XPNPEP1: variants seen among roughly 807,000 people sequenced by gnomAD.
XPNPEP1 encodes xaa-Pro aminopeptidase 1.
XPNPEP1 carries 39 observed loss-of-function variants against 92.4 expected under a neutral mutation model. That is an observed-to-expected ratio of 0.42 (90% CI 0.33 to 0.55). XPNPEP1 has a LOEUF of 0.55. XPNPEP1 is among the 20% of genes least tolerant of loss of function. XPNPEP1 has a pLI of 0.08. For missense variants in XPNPEP1, 654 were observed against 856.1 expected (o/e 0.76, Z 2.95); for synonymous variants, 307 against 299.4 (o/e 1.03, Z -0.26).
intron 3 of XPNPEP1, chr10:109,893,987 GAGAATCTTTAAGTA>G (rs1444758510): frequency 1.3e-5 from 2 of 152,262 alleles, no homozygotes; most frequent in Non-Finnish European, 2.9e-5. Context: ...GGTTCAAAGA[GAGAATCTTTAAGTA>G]AGCTGCCCAC....
At position 109,865,073 on chromosome 10, in the gene XPNPEP1, A is replaced by C. The variant is rs1847057081; in HGVS notation, c.*111T>G. ...TTCTGTTCTTCTTAAAGTCTAAAGT[A>C]AAAAGGGGAGGTAGGGAAGAAGGAA... On this transcript the variant is annotated 3_prime_UTR_variant, in exon 21 of 21. Coordinates refer to ENST00000502935, the MANE Select transcript of XPNPEP1 (RefSeq NM_020383.4). 4.8e-6 allele frequency: 7 copies of C among 1,470,204 alleles called. No homozygotes were observed. Among genetic ancestry groups the C allele is most frequent in the Non-Finnish European group, 6.5e-6 (7 of 1,077,010 alleles). 91.1% of individuals were successfully genotyped at this position (1,470,204 alleles called of 1,614,324 possible).
chr10:109,872,079 G>A (rs1284995713), intron 16 of XPNPEP1, among the ~76,000 whole-genome samples: 12 of 152,210 alleles, frequency 7.9e-5, no homozygotes, highest in Non-Finnish European at 1.6e-4. Flanking sequence ...CACTGTCAGA[G>A]AGATGACCCC....
chr10:109,898,623 A>G (rs1039224515), intron 3 of XPNPEP1, among the ~76,000 whole-genome samples: 5 of 152,236 alleles, frequency 3.3e-5, no homozygotes, highest in Non-Finnish European at 5.9e-5. Flanking sequence ...TCATGAGGCG[A>G]CACCCAATTA....
At chr10:109,872,183 C>T (rs1033584119) in intron 16 of XPNPEP1, among the ~76,000 whole-genome samples, 1 of 152,248 alleles carries the variant, frequency 6.6e-6, no homozygotes, top group Non-Finnish European at 1.5e-5. Context: ...CCCTAGCTAA[C>T]ATTACTGAGC....
At chr10:109,910,234 G>C (rs922372751) in intron 2 of XPNPEP1, among the ~76,000 whole-genome samples, 4 of 152,094 alleles carry the variant, frequency 2.6e-5, no homozygotes, top group Admixed American at 2.6e-4. Flanking sequence ...TTTCCAGATT[G>C]ATTTCTTTCA....
At chr10:109,915,838 ACTAGCAT>A (rs1461956879) in intron 1 of XPNPEP1, among the ~76,000 whole-genome samples, 84 of 152,332 alleles carry the variant, frequency 5.5e-4, no homozygotes, top group African/African-American at 1.9e-3. Context: ...GGCTCAGGTT[ACTAGCAT>A]ACCACTCAGG....
Position 109,894,330 on chromosome 10 carries a change from G to A in XPNPEP1, c.247-1255C>T, listed in dbSNP as rs117722186. On this transcript the variant is annotated intron_variant, in intron 3 of 20. Transcript: ENST00000502935. ...GAGGACTGCTTGAGCCCAGGAACTC[G>A]AGACCAGCCTGGGAGCATGGTGAAA... 2.8e-4 allele frequency among the ~76,000 whole-genome samples: 43 copies of A among 152,042 alleles called. No individual in the cohort carries two copies. In the East Asian group the frequency reaches 7.4e-3, roughly 26 times the overall value.
chr10:109,908,581 A>G (rs1849682869), intron 2 of XPNPEP1, among the ~76,000 whole-genome samples: 1 of 152,210 alleles, frequency 6.6e-6, no homozygotes, highest in Admixed American at 6.5e-5. Context: ...CAGCCTGGCA[A>G]AAGACCAAGA....
chr10:109,884,183 G>A, intron 8 of XPNPEP1, 35 bp from the exon 9 acceptor site: 1 of 1,604,772 alleles, frequency 6.2e-7, no homozygotes, highest in Non-Finnish European at 8.5e-7. Context: ...TCACCTGTCT[G>A]ACTTAAGATG....
chr10:109,871,273 T>C (rs975788205), intron 17 of XPNPEP1, among the ~76,000 whole-genome samples: 1 of 152,132 alleles, frequency 6.6e-6, no homozygotes, highest in African/African-American at 2.4e-5. Context: ...ATGAGGAAAC[T>C]GAGGCCTAGG....
At chr10:109,907,950 C>T (rs2133529732) in intron 2 of XPNPEP1, 135 bp from the exon 3 acceptor site, 2 of 1,247,906 alleles carry the variant, frequency 1.6e-6, no homozygotes, top group Non-Finnish European at 2.2e-6. Context: ...TTGATCACTC[C>T]ACCACCAGAC....
At chr10:109,909,505 G>A (rs1238815231) in intron 2 of XPNPEP1, among the ~76,000 whole-genome samples, 2 of 152,174 alleles carry the variant, frequency 1.3e-5, no homozygotes, top group Non-Finnish European at 2.9e-5. Context: ...CTATAGTCAG[G>A]AATAGTCTCT....
In XPNPEP1 at chr10:109,884,082, C is replaced by G. The variant is rs138082398; in HGVS notation, c.815G>C (p.Gly272Ala). ...AAACACTCACATGATCGTCTCTAGTCCTATGATTGCGTAGGAGAAAAATAC... is the reference window on the plus strand; with the variant it reads ...AAACACTCACATGATCGTCTCTAGTGCTATGATTGCGTAGGAGAAAAATAC... The part of the protein sequence containing the change: ...NPVFFSYAII[G>A]LETIMLFIDG... Residue 272 changes from glycine to alanine, a missense_variant, in exon 9 of 21, where the codon GGA (glycine) becomes GCA (alanine). By Grantham distance (60) the Gly-to-Ala change is moderately conservative (BLOSUM62 0). Transcript: ENST00000502935. 1,138 of 1,613,888 alleles carry G rather than the reference C, an allele frequency of 7.1e-4. 1 individual carries two copies. The highest frequency in any genetic ancestry group is 9.3e-4 in the Non-Finnish European group (1,096 of 1,179,936).
At chr10:109,882,337 C>A in intron 10 of XPNPEP1, 95 bp downstream of exon 10, 2 of 1,436,858 alleles carry the variant, frequency 1.4e-6, no homozygotes, top group South Asian at 1.3e-5. Context: ...TCTGATCCAA[C>A]AGGCAGCCTC....
intron 8 of XPNPEP1, among the ~76,000 whole-genome samples, chr10:109,885,056 A>C (rs1848318215): frequency 6.6e-6 from 1 of 152,238 alleles, no homozygotes; most frequent in South Asian, 2.1e-4. Flanking sequence ...TCTGGCAGAC[A>C]AAGGGCAAGA....
chr10:109,903,744 C>T (rs1312573346), intron 3 of XPNPEP1, among the ~76,000 whole-genome samples: 3 of 152,150 alleles, frequency 2.0e-5, no homozygotes, highest in Admixed American at 6.5e-5. Flanking sequence ...CTGCTACCTA[C>T]GACTCATACC....
At chr10:109,875,642 C>T in intron 14 of XPNPEP1, 43 bp from the exon 15 acceptor site, 1 of 1,572,122 alleles carries the variant, frequency 6.4e-7, no homozygotes, top group Non-Finnish European at 8.7e-7. Flanking sequence ...CAAATGTAAA[C>T]ACTTAGTGAA....
At chr10:109,918,321 T>A (rs1396860421) in intron 1 of XPNPEP1, among the ~76,000 whole-genome samples, 1 of 152,114 alleles carries the variant, frequency 6.6e-6, no homozygotes, top group East Asian at 1.9e-4. Context: ...CTTAGGAGGC[T>A]GAGGCAGGAG....
chr10:109,912,747 A>G (rs1849947915), intron 2 of XPNPEP1, among the ~76,000 whole-genome samples: 1 of 152,276 alleles, frequency 6.6e-6, no homozygotes, highest in Non-Finnish European at 1.5e-5. Flanking sequence ...ACAACTAACC[A>G]TAAATGCAAT....
Sources: allele counts gnomAD v4.1 joint callset (sites outside exome capture counted in the v4.1 genomes callset), GRCh38; gene constraint gnomAD v4.1.1; transcripts MANE v1.5; gene names NCBI Gene and HGNC (gene_info 2026-07-23, HGNC 2026-07-21).